Variants in SPATA13 observed in about 807,000 individuals in gnomAD.
The protein encoded by SPATA13 is spermatogenesis-associated protein 13.
SPATA13 carries 50 observed loss-of-function variants against 104.0 expected under a neutral mutation model. That is an observed-to-expected ratio of 0.48 (90% CI 0.38 to 0.61). SPATA13 has a LOEUF of 0.61. SPATA13 is among the 20% of genes least tolerant of loss of function. The probability of loss-of-function intolerance (pLI) is 0.00; values close to 1 mark genes in which losing one functional copy is unlikely to be tolerated. For synonymous variants in SPATA13, 606 were observed against 667.5 expected, an observed-to-expected ratio of 0.91 and a Z score of 1.42; for missense variants, 1,524 against 1,690.6, an observed-to-expected ratio of 0.90 and a Z score of 1.73.
chr13:24,003,922 T>C (rs1177579947), intron 2 of SPATA13, among the ~76,000 whole-genome samples: 2 of 151,900 alleles, frequency 1.3e-5, no homozygotes, highest in Non-Finnish European at 2.9e-5. Context: ...AGAAGTCCCT[T>C]TTCAGCCACA....
chr13:24,119,215 C>T (rs1880957298), intron 3 of SPATA13, among the ~76,000 whole-genome samples: 1 of 152,024 alleles, frequency 6.6e-6, no homozygotes, highest in Admixed American at 6.6e-5. Flanking sequence ...CTGACACTAA[C>T]TTATGTTCCC....
intron 4 of SPATA13, among the ~76,000 whole-genome samples, chr13:24,268,004 T>A (rs1413655232): frequency 6.6e-6 from 1 of 152,218 alleles, no homozygotes; most frequent in Non-Finnish European, 1.5e-5. Context: ...TCTCACCAGC[T>A]CCCAGTCATG....
chr13:24,179,030 CAT>C (rs1288686003), intron 1 of SPATA13, among the ~76,000 whole-genome samples: 4 of 152,188 alleles, frequency 2.6e-5, no homozygotes, highest in Non-Finnish European at 5.9e-5. Context: ...ATTCATACAA[CAT>C]GTGGCCTTTT....
In SPATA13 at chr13:24,306,275, C is replaced by G. The variant is rs1476719752; in HGVS notation, c.*3502C>G. ...CCAGCATTTTATCAGGTGGAAATCT[C>G]TGCAAGCCAAATTGCTGATACTCCT... On this transcript the variant is annotated 3_prime_UTR_variant, in exon 13 of 13. Transcript: ENST00000382108. The G allele has an allele frequency of 6.6e-6, 1 of 152,234 alleles. No homozygotes were observed. Among genetic ancestry groups the G allele is most frequent in the Non-Finnish European group, 1.5e-5 (1 of 68,038 alleles). The allele number at this position is 152,234 out of a possible 1,614,324, so 9.4% of individuals were successfully genotyped here.
intron 3 of SPATA13, among the ~76,000 whole-genome samples, chr13:24,093,013 T>C (rs1879958794): frequency 1.3e-5 from 2 of 152,256 alleles, no homozygotes; most frequent in African/African-American, 4.8e-5. Flanking sequence ...ATTAATCTTA[T>C]TTTCCAGAGC....
At chr13:24,198,567 G>A (rs1199122288) in intron 1 of SPATA13, among the ~76,000 whole-genome samples, 1 of 152,168 alleles carries the variant, frequency 6.6e-6, no homozygotes, top group Non-Finnish European at 1.5e-5. Context: ...TTACTATAGA[G>A]GTATGATTAT....
Position 24,043,715 on chromosome 13 carries a change from T to C in SPATA13, c.-112+26014T>C, listed in dbSNP as rs191535687. ...ACAGCCTTATGCCAAAGGGAAAGGA[T>C]GAAATATTGGGCATGGCCTGCTGGT... On this transcript the variant is annotated intron_variant, in intron 3 of 14. Transcript: ENST00000424834. Among the ~76,000 whole-genome samples the C allele has an allele frequency of 7.4e-3, 1,124 of 152,308 alleles. 16 individuals are homozygous for C. Among genetic ancestry groups the C allele is most frequent in the African/African-American group, 0.026 (1,087 of 41,562 alleles).
At chr13:24,150,319 C>T (rs1383495526) in intron 3 of SPATA13, among the ~76,000 whole-genome samples, 1 of 152,180 alleles carries the variant, frequency 6.6e-6, no homozygotes, top group African/African-American at 2.4e-5. Context: ...ACAGCTCCTG[C>T]CAGTCCCCTA....
At chr13:24,268,111 C>T (rs1422387204) in intron 4 of SPATA13, among the ~76,000 whole-genome samples, 1 of 152,224 alleles carries the variant, frequency 6.6e-6, no homozygotes, top group Non-Finnish European at 1.5e-5. Flanking sequence ...AAAAGAGCGT[C>T]ATAGCCAAAT....
At chr13:24,148,556 C>T (rs970679602) in intron 3 of SPATA13, among the ~76,000 whole-genome samples, 6 of 152,200 alleles carry the variant, frequency 3.9e-5, no homozygotes, top group Non-Finnish European at 5.9e-5. Flanking sequence ...AAGCATCAAA[C>T]ACAAGCCCTT....
At chr13:24,157,039 T>C (rs1011052299), upstream of SPATA13, among the ~76,000 whole-genome samples, 4 of 152,178 alleles carry the variant, frequency 2.6e-5, no homozygotes, top group African/African-American at 9.6e-5. Flanking sequence ...TTGCTAATGA[T>C]CTCTGAGTGA....
intron 3 of SPATA13, among the ~76,000 whole-genome samples, chr13:24,067,541 A>G (rs9511032): frequency 0.44 from 67,496 of 152,080 alleles, 15,198 homozygotes; most frequent in Middle Eastern, 0.52. Flanking sequence ...TCACAGTGAT[A>G]GAGCTGTAAT....
intron 1 of SPATA13, among the ~76,000 whole-genome samples, chr13:24,209,010 T>A (rs1870864731): frequency 6.6e-6 from 1 of 152,206 alleles, no homozygotes; most frequent in African/African-American, 2.4e-5. Flanking sequence ...GACAAGAGTC[T>A]AATCTCCAGG....
intron 3 of SPATA13, among the ~76,000 whole-genome samples, chr13:24,089,256 T>C (rs1879836885): frequency 6.6e-6 from 1 of 152,208 alleles, no homozygotes. Context: ...CATGGTTTGC[T>C]GTTCGTATGG....
rs76513994 is a variant in SPATA13 at position 24,070,787 on chromosome 13, T to C, written c.-112+53086T>C. Reference sequence around the variant, plus strand: ...CAAGTAATGAAGAATTCCCCCTCCCTGACTGTCTTCAAACTGGCACGTCTG... The same window carrying C: ...CAAGTAATGAAGAATTCCCCCTCCCCGACTGTCTTCAAACTGGCACGTCTG... On this transcript the variant is annotated intron_variant, in intron 3 of 14. Coordinates refer to the SPATA13 transcript ENST00000424834. 3.6e-3 allele frequency among the ~76,000 whole-genome samples: 547 copies of C among 152,244 alleles called. 15 individuals are homozygous for C. The East Asian group carries it at 0.062, about 17-fold the overall frequency.
chr13:24,095,047 C>G (rs1880027814), intron 3 of SPATA13, among the ~76,000 whole-genome samples: 1 of 152,204 alleles, frequency 6.6e-6, no homozygotes, highest in Non-Finnish European at 1.5e-5. Context: ...AGCAATCCCA[C>G]TTCTGGGTAT....
intron 1 of SPATA13, among the ~76,000 whole-genome samples, chr13:24,164,807 G>A (rs994936452): frequency 2.0e-5 from 3 of 152,136 alleles, no homozygotes; most frequent in Admixed American, 6.5e-5. Context: ...TCACAACATC[G>A]ATAGCTCCTG....
intron 2 of SPATA13, chr13:24,224,929 A>G (rs1363474859): frequency 1.1e-5 from 4 of 368,330 alleles, no homozygotes; most frequent in South Asian, 9.6e-5. Flanking sequence ...GCTCTGACTC[A>G]TATCTTTCTT....
At chr13:24,273,991 A>G (rs1257459160) in intron 4 of SPATA13, among the ~76,000 whole-genome samples, 3 of 152,174 alleles carry the variant, frequency 2.0e-5, no homozygotes, top group East Asian at 1.9e-4. Flanking sequence ...CGCCCGGCCA[A>G]TGGTTAAACT....
Sources: gnomAD v4.1 joint callset for allele counts (sites outside exome capture counted in the v4.1 genomes callset) on GRCh38, gnomAD v4.1.1 for gene constraint, MANE v1.5 for transcripts, NCBI Gene and HGNC (gene_info 2026-07-23, HGNC 2026-07-21) for gene names.